The following TLN2 variants were observed in gnomAD, a reference collection of about 807,000 sequenced individuals.
TLN2 encodes talin 2, also known as talin-2.
TLN2 carries 118 observed loss-of-function variants against 294.7 expected under a neutral mutation model. The ratio of observed to expected loss-of-function variants is 0.40; its 90% CI spans 0.34 to 0.47. The LOEUF is 0.47. Among genes scored for constraint, TLN2 ranks in the 20% least tolerant of loss-of-function variants. The pLI is 0.84. For synonymous variants in TLN2, 1,431 were observed against 1,304.5 expected (o/e 1.10, Z -2.09); for missense variants, 3,083 against 3,282.2 (o/e 0.94, Z 1.48).
intron 2 of TLN2, among the ~76,000 whole-genome samples, chr15:62,594,438 G>A (rs2046320409): frequency 6.6e-6 from 1 of 152,072 alleles, no homozygotes; most frequent in African/African-American, 2.4e-5. Context: ...AAACTCCTAG[G>A]CTCAAGTGAT....
chr15:62,572,969 C>A (rs1369284), intron 1 of TLN2, among the ~76,000 whole-genome samples: 33 of 152,190 alleles, frequency 2.2e-4, no homozygotes, highest in African/African-American at 7.0e-4. Context: ...AGCTGGTGCC[C>A]TGCTCACGGG....
At chr15:62,525,960 G>C (rs1440634345) in intron 1 of TLN2, among the ~76,000 whole-genome samples, 1 of 152,144 alleles carries the variant, frequency 6.6e-6, no homozygotes, top group African/African-American at 2.4e-5. Context: ...CTGGAAGAAG[G>C]GTAGATTAAA....
chr15:62,809,987 G>A lies in TLN2; in HGVS notation c.6726G>A (p.Thr2242=), dbSNP rs375788849. 1.5e-5 allele frequency: 24 copies of A among 1,613,916 alleles called. No individual in the cohort carries two copies. Among genetic ancestry groups the A allele is most frequent in the Middle Eastern group, 1.6e-4 (1 of 6,084 alleles). The part of the protein sequence containing the change: ...EVRTRALRFG[T]ECTLGYLDLL... ...GAACCAGAGCCTTGCGTTTCGGGACGGAGTGCACCCTTGGCTACTTGGACC... is the reference window on the plus strand; with the variant it reads ...GAACCAGAGCCTTGCGTTTCGGGACAGAGTGCACCCTTGGCTACTTGGACC... The change falls in exon 52 of 59, where the codon ACG becomes ACA. Residue 2242 remains threonine (T), a synonymous_variant. Transcript: ENST00000636159.
intron 1 of TLN2, among the ~76,000 whole-genome samples, chr15:62,578,418 T>G (rs1022964755): frequency 1.3e-5 from 2 of 151,870 alleles, no homozygotes; most frequent in African/African-American, 4.8e-5. Flanking sequence ...AATACAAAAA[T>G]TAACCAGGTG....
intron 28 of TLN2, among the ~76,000 whole-genome samples, chr15:62,735,161 G>A (rs1193078625): frequency 2.0e-5 from 3 of 152,208 alleles, no homozygotes; most frequent in Non-Finnish European, 4.4e-5. Flanking sequence ...GGAAGTGTTT[G>A]TGGGCAAGAT....
chr15:62,688,877 A>C (rs964534618), intron 12 of TLN2, among the ~76,000 whole-genome samples: 1 of 151,972 alleles, frequency 6.6e-6, no homozygotes, highest in Non-Finnish European at 1.5e-5. Flanking sequence ...TTTATTTTCA[A>C]CTTGCATATA....
intron 1 of TLN2, among the ~76,000 whole-genome samples, chr15:62,522,033 C>G (rs2040486528): frequency 6.6e-6 from 1 of 152,082 alleles, no homozygotes; most frequent in South Asian, 2.1e-4. Flanking sequence ...AGAGGCGTGT[C>G]CAACTTCCCT....
chr15:62,578,014 G>T (rs1334769108), intron 1 of TLN2, among the ~76,000 whole-genome samples: 1 of 152,110 alleles, frequency 6.6e-6, no homozygotes, highest in African/African-American at 2.4e-5. Flanking sequence ...CCCTATAAAG[G>T]ACATGAACTC....
At chr15:62,839,024 G>A (rs749761057) in intron 58 of TLN2, 43 bp downstream of exon 58, 13 of 1,591,698 alleles carry the variant, frequency 8.2e-6, no homozygotes, top group Admixed American at 3.5e-5. Context: ...CCCGAGAGAG[G>A]TGTTGGGTTA....
chr15:62,646,258 G>T (rs1423202148), intron 3 of TLN2, among the ~76,000 whole-genome samples: 2 of 151,934 alleles, frequency 1.3e-5, no homozygotes, highest in Non-Finnish European at 2.9e-5. Flanking sequence ...TGTCTCCCGG[G>T]TTCAAGCGAT....
chr15:62,649,767 G>A (rs1306216853), intron 4 of TLN2, among the ~76,000 whole-genome samples: 1 of 152,090 alleles, frequency 6.6e-6, no homozygotes, highest in African/African-American at 2.4e-5. Flanking sequence ...TTATAGCAAG[G>A]GATAGAGAAC....
chr15:62,420,629 G>A (rs1327216180), intron 1 of TLN2, among the ~76,000 whole-genome samples: 2 of 152,174 alleles, frequency 1.3e-5, no homozygotes, highest in East Asian at 3.8e-4. Context: ...AGTACTGAGT[G>A]GTTAAGTTAA....
Position 62,653,154 on chromosome 15 carries a change from A to G in TLN2, c.365-8A>G. 6.5e-7 allele frequency: 1 copy of G among 1,537,792 alleles called. No individual in the cohort carries two copies. The highest frequency in any genetic ancestry group is 8.8e-7 in the Non-Finnish European group (1 of 1,142,820). On this transcript the variant is annotated splice_region_variant and splice_polypyrimidine_tract_variant and intron_variant, in intron 6 of 58. Coordinates refer to ENST00000636159, the MANE Select transcript of TLN2 (RefSeq NM_015059.3). ...ATTTATAATTATAACCTAATTTCCA[A>G]TGTTTAGGAATAACAAATTATGAAG...
chr15:62,622,538 A>T lies in TLN2; in HGVS notation c.-37+4063A>T, dbSNP rs138332725. 4.6e-5 allele frequency among the ~76,000 whole-genome samples: 7 copies of T among 152,154 alleles called. No homozygotes were observed. In the East Asian group the frequency reaches 1.3e-3, roughly 29 times the overall value. ...TGAAGGGGACACAGAGACAGCCATG[A>T]CTCTCCTCTCTGCCCTGATACAACT... On this transcript the variant is annotated intron_variant, in intron 3 of 58. Coordinates refer to ENST00000636159, the MANE Select transcript of TLN2 (RefSeq NM_015059.3).
intron 2 of TLN2, among the ~76,000 whole-genome samples, chr15:62,608,626 G>A (rs1036173997): frequency 1.3e-5 from 2 of 152,162 alleles, no homozygotes; most frequent in African/African-American, 2.4e-5. Flanking sequence ...TGAGATCAGC[G>A]ACACAGGAGG....
At chr15:62,702,254 C>G (rs1327099216) in intron 18 of TLN2, 54 bp downstream of exon 18, 2 of 1,516,284 alleles carry the variant, frequency 1.3e-6, no homozygotes, top group Admixed American at 4.0e-5. Context: ...GCTGCATCCA[C>G]TGGGGGACCA....
At chr15:62,834,909 A>AACTT (rs551011122) in intron 55 of TLN2, 2 of 152,284 alleles carry the variant, frequency 1.3e-5, no homozygotes, top group East Asian at 3.9e-4. Flanking sequence ...TCCTCCAACG[A>AACTT]ACTTACGTGT....
At chr15:62,738,469 TG>T in intron 30 of TLN2, 136 bp downstream of exon 30, 4 of 1,245,292 alleles carry the variant, frequency 3.2e-6, no homozygotes, top group Non-Finnish European at 4.2e-6. Context: ...CGCCAGTCTT[TG>T]TTTTCCATGT....
chr15:62,823,730 C>T (rs2141214004), intron 54 of TLN2, among the ~76,000 whole-genome samples: 1 of 152,282 alleles, frequency 6.6e-6, no homozygotes, highest in Non-Finnish European at 1.5e-5. Context: ...CCTGGGATCT[C>T]CCAGACATGC....
Sources: gnomAD v4.1 joint callset for allele counts (sites outside exome capture counted in the v4.1 genomes callset) on GRCh38, gnomAD v4.1.1 for gene constraint, MANE v1.5 for transcripts, NCBI Gene and HGNC (gene_info 2026-07-23, HGNC 2026-07-21) for gene names.